Variants in USH2A observed in about 807,000 individuals in gnomAD.
USH2A encodes Usher syndrome 2A (autosomal recessive, mild).
Under a neutral mutation model 538.9 loss-of-function variants are expected in USH2A, and 443 were observed. The observed-to-expected ratio is 0.82, with a 90% CI of 0.76 to 0.89. The LOEUF (loss-of-function observed/expected upper bound fraction) is 0.89, where lower values mean the gene tolerates loss of function less well. USH2A is among the 40% of genes least tolerant of loss of function. The pLI is 0.00. For synonymous variants in USH2A, 2,413 were observed against 2,273.5 expected (o/e 1.06, Z -1.75); for missense variants, 6,633 against 6,324.8 (o/e 1.05, Z -1.65).
chr1:216,055,401 A>T (rs2030942469), intron 30 of USH2A, among the ~76,000 whole-genome samples: 1 of 152,232 alleles, frequency 6.6e-6, no homozygotes, highest in Non-Finnish European at 1.5e-5. Flanking sequence ...GGCTAGGGGA[A>T]GGAGGGCAGA....
chr1:215,842,111 G>T (rs1406657652), intron 46 of USH2A, among the ~76,000 whole-genome samples: 1 of 152,154 alleles, frequency 6.6e-6, no homozygotes, highest in Non-Finnish European at 1.5e-5. Flanking sequence ...ATCACCTGAG[G>T]TCAGGAGTTT....
chr1:216,270,929 A>G (rs1294704600), intron 11 of USH2A, among the ~76,000 whole-genome samples: 1 of 152,088 alleles, frequency 6.6e-6, no homozygotes, highest in East Asian at 1.9e-4. Flanking sequence ...TGAGAATGAA[A>G]CACCTGGGTA....
chr1:216,050,584 C>CCTTTCCT (rs1558231778), intron 30 of USH2A, among the ~76,000 whole-genome samples: 1 of 33,062 alleles, frequency 3.0e-5, no homozygotes, highest in Non-Finnish European at 7.5e-5. Flanking sequence ...TTCTTTCTTT[C>CCTTTCCT]TTTCTTTCTT....
At chr1:216,371,560 C>T (rs1389471234) in intron 3 of USH2A, among the ~76,000 whole-genome samples, 1 of 152,106 alleles carries the variant, frequency 6.6e-6, no homozygotes, top group Non-Finnish European at 1.5e-5. Context: ...CTACTCAATG[C>T]TATACATGTA....
chr1:216,203,331 AT>A (rs1558315323), intron 16 of USH2A, among the ~76,000 whole-genome samples: 1 of 152,056 alleles, frequency 6.6e-6, no homozygotes, highest in Non-Finnish European at 1.5e-5. Context: ...AGTTTAATTT[AT>A]GTTAGGCAGA....
chr1:215,733,439 A>T (rs533710988), intron 60 of USH2A, among the ~76,000 whole-genome samples: 1 of 152,250 alleles, frequency 6.6e-6, no homozygotes, highest in African/African-American at 2.4e-5. Flanking sequence ...TGGCCTCCCA[A>T]ATCTCATCTC....
In USH2A at chr1:216,319,883, C is replaced by T. The variant is rs1035096695; in HGVS notation, c.1644+2000G>A. ...AAAAAGCAAGATGCTCTATAATATC[C>T]TAAAATAAATTTCACAGAGAAGTGA... On this transcript the variant is annotated intron_variant, in intron 9 of 71. Transcript: ENST00000307340. Among the ~76,000 whole-genome samples the T allele has an allele frequency of 3.9e-5, 6 of 152,184 alleles. No homozygotes were observed. In the East Asian group the frequency reaches 1.2e-3, roughly 29 times the overall value.
chr1:216,010,727 T>C (rs950388915), intron 32 of USH2A, among the ~76,000 whole-genome samples: 10 of 151,726 alleles, frequency 6.6e-5, no homozygotes, highest in African/African-American at 1.9e-4. Flanking sequence ...GCACTCCTTT[T>C]TAGTTATCCC....
intron 46 of USH2A, 59 bp downstream of exon 46, chr1:215,844,235 C>T: frequency 6.5e-7 from 1 of 1,542,586 alleles, no homozygotes; most frequent in Non-Finnish European, 8.9e-7. Flanking sequence ...GAAGACATAG[C>T]CTGGCATGTT....
chr1:215,956,682 C>T (rs1282649479), intron 37 of USH2A, among the ~76,000 whole-genome samples: 4 of 152,090 alleles, frequency 2.6e-5, no homozygotes, highest in East Asian at 1.9e-4. Flanking sequence ...ATTACATCGC[C>T]GCCTCAACAG....
chr1:216,301,592 C>A (rs976743675), intron 9 of USH2A, among the ~76,000 whole-genome samples: 1 of 152,066 alleles, frequency 6.6e-6, no homozygotes, highest in Non-Finnish European at 1.5e-5. Context: ...GACAGCAAAG[C>A]CCTAGAAACC....
At chr1:216,389,042 G>T (rs1321786292) in intron 3 of USH2A, among the ~76,000 whole-genome samples, 3 of 152,112 alleles carry the variant, frequency 2.0e-5, no homozygotes, top group African/African-American at 4.8e-5. Flanking sequence ...ACCATTAAAG[G>T]CACTAAAGGG....
Position 215,633,066 on chromosome 1 carries a change from T to C in USH2A, c.15297+1393A>G, listed in dbSNP as rs1029913570. Among the ~76,000 whole-genome samples the C allele has an allele frequency of 8.5e-5, 13 of 152,284 alleles. No homozygotes were observed. The South Asian group carries it at 2.5e-3, about 29-fold the overall frequency. On this transcript the variant is annotated intron_variant, in intron 70 of 71. Transcript: ENST00000307340. ...GACAAACATATCTGACTTAGTGTTA[T>C]GTGGTAAATGCTATAGAAAAGAAAA...
At chr1:216,184,989 A>G (rs2034569955) in intron 20 of USH2A, among the ~76,000 whole-genome samples, 1 of 152,008 alleles carries the variant, frequency 6.6e-6, no homozygotes, top group Non-Finnish European at 1.5e-5. Context: ...ATGGATCTCC[A>G]AAAGTAATTT....
At chr1:215,955,219 T>C (rs529667063) in intron 37 of USH2A, among the ~76,000 whole-genome samples, 1 of 152,192 alleles carries the variant, frequency 6.6e-6, no homozygotes, top group Non-Finnish European at 1.5e-5. Flanking sequence ...GATATTTAAG[T>C]ACTTTCTAAA....
intron 44 of USH2A, among the ~76,000 whole-genome samples, chr1:215,856,997 A>C (rs1299603380): frequency 6.6e-6 from 1 of 152,132 alleles, no homozygotes; most frequent in Non-Finnish European, 1.5e-5. Context: ...GTTCTCACTC[A>C]TAAGTGAGAG....
At chr1:216,119,379 A>G (rs571710504) in intron 21 of USH2A, among the ~76,000 whole-genome samples, 142 of 152,130 alleles carry the variant, frequency 9.3e-4, no homozygotes, top group African/African-American at 3.2e-3. Context: ...ATTTCAGTGG[A>G]ACTGAGTTGT....
At chr1:216,368,449 C>T (rs1307676848) in intron 3 of USH2A, among the ~76,000 whole-genome samples, 2 of 152,148 alleles carry the variant, frequency 1.3e-5, no homozygotes, top group Non-Finnish European at 2.9e-5. Flanking sequence ...ACTGCTGACT[C>T]AGGCTGGGAA....
intron 35 of USH2A, among the ~76,000 whole-genome samples, chr1:215,988,275 T>A (rs2102472473): frequency 6.6e-6 from 1 of 152,260 alleles, no homozygotes; most frequent in East Asian, 1.9e-4. Context: ...GTAAGTGCAA[T>A]CATGCAGTAT....
Sources: allele counts gnomAD v4.1 joint callset (sites outside exome capture counted in the v4.1 genomes callset), GRCh38; gene constraint gnomAD v4.1.1; transcripts MANE v1.5; gene names NCBI Gene and HGNC (gene_info 2026-07-23, HGNC 2026-07-21).